DCUN1D4: variants seen among roughly 807,000 people sequenced by gnomAD.
The protein encoded by DCUN1D4 is DCN1-like protein 4.
A neutral mutation model predicts 47.9 loss-of-function variants in DCUN1D4; 22 were observed. That is an observed-to-expected ratio of 0.46 (90% CI 0.33 to 0.66). DCUN1D4 has a LOEUF of 0.66. Among genes scored for constraint, DCUN1D4 ranks in the 30% least tolerant of loss-of-function variants. The pLI is 0.02. For missense variants in DCUN1D4, 301 were observed against 340.8 expected, an observed-to-expected ratio of 0.88 and a Z score of 0.92; for synonymous variants, 121 against 112.2, an observed-to-expected ratio of 1.08 and a Z score of -0.50.
intron 3 of DCUN1D4, among the ~76,000 whole-genome samples, chr4:51,870,102 G>A (rs577795392): frequency 5.9e-5 from 9 of 152,150 alleles, no homozygotes; most frequent in African/African-American, 1.7e-4. Flanking sequence ...CCAGATGTTC[G>A]TACCTAATTA....
chr4:51,894,318 T>C (rs1170873942), intron 7 of DCUN1D4, among the ~76,000 whole-genome samples: 4 of 152,210 alleles, frequency 2.6e-5, no homozygotes, highest in Non-Finnish European at 5.9e-5. Context: ...GAATAACTTT[T>C]AAGGTTCTTT....
At chr4:51,853,920 T>A (rs1003739603) in intron 1 of DCUN1D4, among the ~76,000 whole-genome samples, 1 of 152,214 alleles carries the variant, frequency 6.6e-6, no homozygotes, top group Non-Finnish European at 1.5e-5. Context: ...GCTTCCCCTG[T>A]GCCACGCACT....
At chr4:51,841,308 A>T (rs1394314121), upstream of DCUN1D4, among the ~76,000 whole-genome samples, 1 of 152,218 alleles carries the variant, frequency 6.6e-6, no homozygotes, top group Non-Finnish European at 1.5e-5. Flanking sequence ...CATATAATTT[A>T]TTATTTCCTA....
upstream of DCUN1D4, among the ~76,000 whole-genome samples, chr4:51,839,629 C>T (rs1721582563): frequency 6.6e-6 from 1 of 152,224 alleles, no homozygotes; most frequent in Non-Finnish European, 1.5e-5. Context: ...TAGAAACCCA[C>T]CTAGCCTGAC....
In DCUN1D4 at chr4:51,853,719, T is replaced by G. The variant is rs149770001; in HGVS notation, c.26-9718T>G. ...CCCTGGTATTTGGTGTTTTTCAGTC[T>G]TCTTAGGTGATTCCACTGTGTAGCC... On this transcript the variant is annotated intron_variant, in intron 1 of 10. Transcript: ENST00000334635. Among the ~76,000 whole-genome samples, 428 of 152,320 alleles carry G rather than the reference T, an allele frequency of 2.8e-3. 7 individuals are homozygous for G. Among genetic ancestry groups the G allele is most frequent in the Admixed American group, 0.025 (389 of 15,304 alleles).
chr4:51,863,898 C>G (rs1725482861), intron 3 of DCUN1D4, among the ~76,000 whole-genome samples, 189 bp downstream of exon 3: 2 of 152,186 alleles, frequency 1.3e-5, no homozygotes. Context: ...GAAATCTCTT[C>G]TGGAAGCACT....
chr4:51,843,299 GGCCGGGCGGCTGCCAAACTC>G (rs981693136), intron 1 of DCUN1D4, 32 bp downstream of exon 1: 1 of 1,509,578 alleles, frequency 6.6e-7, no homozygotes, highest in African/African-American at 1.4e-5. Flanking sequence ...AGCGGGCCGG[GGCCGGGCGGCTGCCAAACTC>G]GCCACTCGGC....
At chr4:51,872,584 T>G (rs564712254) in intron 3 of DCUN1D4, among the ~76,000 whole-genome samples, 1 of 152,296 alleles carries the variant, frequency 6.6e-6, no homozygotes, top group East Asian at 1.9e-4. Context: ...GACATGACAC[T>G]CTCCTGGATT....
At chr4:51,904,524 T>G (rs539794870) in intron 8 of DCUN1D4, among the ~76,000 whole-genome samples, 93 of 152,330 alleles carry the variant, frequency 6.1e-4, no homozygotes, top group Non-Finnish European at 1.2e-3. Flanking sequence ...CTCTGTCTTT[T>G]CCAACTCAGC....
Position 51,915,260 on chromosome 4 carries a change from T to G in DCUN1D4, c.*1676T>G, listed in dbSNP as rs537183690. 1.3e-5 allele frequency: 2 copies of G among 152,670 alleles called. No individual in the cohort carries two copies. The highest frequency in any genetic ancestry group is 2.4e-5 in the African/African-American group (1 of 41,554). 9.5% of individuals were successfully genotyped at this position (152,670 alleles called of 1,614,324 possible). A position where few individuals can be genotyped will look rare whatever the true frequency, so the allele number is the denominator to read the frequency against. ...ATATACAGTGTGTGTGTATACAAAA[T>G]CATGATATAGTAGAATGCAACTACT... On this transcript the variant is annotated 3_prime_UTR_variant, in exon 11 of 11. Transcript: ENST00000334635.
chr4:51,884,046 G>C (rs969416901), intron 5 of DCUN1D4, among the ~76,000 whole-genome samples: 3 of 150,406 alleles, frequency 2.0e-5, no homozygotes, highest in Non-Finnish European at 4.4e-5. Flanking sequence ...TATAAAAAGG[G>C]GATAGAAGGG....
intron 4 of DCUN1D4, among the ~76,000 whole-genome samples, chr4:51,876,745 C>G (rs1727762638): frequency 6.6e-6 from 1 of 151,928 alleles, no homozygotes; most frequent in South Asian, 2.1e-4. Flanking sequence ...CCAGGGCTGA[C>G]TGGGGGACTT....
intron 9 of DCUN1D4, 131 bp downstream of exon 9, chr4:51,911,305 T>C: frequency 1.3e-6 from 1 of 781,372 alleles, no homozygotes; most frequent in South Asian, 1.6e-5. Flanking sequence ...GTGACATAAT[T>C]GCTGTCAGTC....
rs774406834 is a variant in DCUN1D4 at position 51,911,131 on chromosome 4, G to A, written c.677G>A (p.Gly226Glu). ...TAKCMLGLLL[G>E]KIWPLFPVFH... The stretch of plus-strand genomic sequence containing the variant: ...AAGTGCATGTTGGGACTGTTATTAG[G>A]AAAAATCTGGCCCCTTTTTCCAGTT... The change falls in exon 9 of 11, where the codon GGA becomes GAA. Residue 226 changes from glycine (G) to glutamate (E), a missense_variant. Gly to Glu is a moderately conservative substitution (Grantham distance 98). This residue lies in a region of DCUN1D4 where 170 missense variants were observed against 234.5 expected (regional missense o/e 0.73). Coordinates refer to ENST00000334635, the MANE Select transcript of DCUN1D4 (RefSeq NM_001040402.3). 8.7e-6 allele frequency: 14 copies of A among 1,612,004 alleles called. No homozygotes were observed. The highest frequency in any genetic ancestry group is 1.2e-5 in the Non-Finnish European group (14 of 1,179,410).
intron 6 of DCUN1D4, among the ~76,000 whole-genome samples, chr4:51,890,983 T>A (rs896684487): frequency 2.0e-5 from 3 of 152,204 alleles, no homozygotes; most frequent in African/African-American, 7.2e-5. Flanking sequence ...GGCCTGCCCC[T>A]CCTTTACAAG....
At chr4:51,844,799 G>C (rs970909823) in intron 1 of DCUN1D4, 56 of 983,812 alleles carry the variant, frequency 5.7e-5, no homozygotes, top group Admixed American at 6.2e-5. Flanking sequence ...TCGCGGCCGC[G>C]CCCGGCCGCG....
chr4:51,841,885 C>A (rs1289453516), upstream of DCUN1D4, among the ~76,000 whole-genome samples: 2 of 151,328 alleles, frequency 1.3e-5, no homozygotes, highest in Non-Finnish European at 2.9e-5. Context: ...CTCTTTGAGG[C>A]TCCCAGATGG....
Position 51,875,791 on chromosome 4 carries a change from A to G in DCUN1D4, c.251+1406A>G, listed in dbSNP as rs118102151. On this transcript the variant is annotated intron_variant, in intron 4 of 10. Coordinates refer to ENST00000334635, the MANE Select transcript of DCUN1D4 (RefSeq NM_001040402.3). ...TGCATGAAATAGCATATATCAGCAT[A>G]TCATTCTTTTTATTTGCTGAATGGT... Among the ~76,000 whole-genome samples the G allele has an allele frequency of 3.6e-3, 551 of 152,308 alleles. 29 individuals carry two copies. The East Asian group carries it at 0.097, about 27-fold the overall frequency.
At chr4:51,872,756 G>C (rs1220412593) in intron 3 of DCUN1D4, among the ~76,000 whole-genome samples, 1 of 152,182 alleles carries the variant, frequency 6.6e-6, no homozygotes, top group African/African-American at 2.4e-5. Flanking sequence ...GGCTTTACGT[G>C]CTGCTTTCCA....
Sources: allele counts gnomAD v4.1 joint callset (sites outside exome capture counted in the v4.1 genomes callset), GRCh38; gene constraint gnomAD v4.1.1; regional missense constraint gnomAD v4.1.1; transcripts MANE v1.5; gene names NCBI Gene and HGNC (gene_info 2026-07-23, HGNC 2026-07-21).